The following NINJ2 variants were observed in gnomAD, a reference collection of about 807,000 sequenced individuals.
NINJ2 encodes ninjurin-2.
A neutral mutation model predicts 11.7 loss-of-function variants in NINJ2; 12 were observed. The ratio of observed to expected loss-of-function variants is 1.02; its 90% confidence interval spans 0.66 to 1.66. NINJ2 has a LOEUF of 1.66. Ranked by LOEUF, NINJ2 falls within the 40% of genes most tolerant of loss-of-function variation. NINJ2 has a pLI of 0.00. For synonymous variants in NINJ2, 93 were observed against 76.8 expected, an observed-to-expected ratio of 1.21 and a Z score of -1.10; for missense variants, 187 against 181.8, an observed-to-expected ratio of 1.03 and a Z score of -0.16.
chr12:617,406 T>A (rs917487071), intron 1 of NINJ2, among the ~76,000 whole-genome samples: 1 of 152,150 alleles, frequency 6.6e-6, no homozygotes, highest in Admixed American at 6.5e-5. Flanking sequence ...TTCCTTCTAA[T>A]CCTGCCCCTG....
intron 1 of NINJ2, among the ~76,000 whole-genome samples, chr12:583,148 T>G (rs931471242): frequency 5.3e-5 from 4 of 76,076 alleles, no homozygotes; most frequent in African/African-American, 1.7e-4. Flanking sequence ...CTAGTGTGAA[T>G]GAATGAATGG....
At chr12:637,796 T>C (rs1948370623) in intron 1 of NINJ2, among the ~76,000 whole-genome samples, 1 of 152,176 alleles carries the variant, frequency 6.6e-6, no homozygotes, top group African/African-American at 2.4e-5. Context: ...TTTAGGTTAG[T>C]GATTAGTGCT....
chr12:646,031 G>C (rs1565647849), intron 1 of NINJ2, among the ~76,000 whole-genome samples: 1 of 152,032 alleles, frequency 6.6e-6, no homozygotes, highest in Non-Finnish European at 1.5e-5. Flanking sequence ...AAAATAACAG[G>C]GTTTCTCTCT....
intron 3 of NINJ2, 101 bp downstream of exon 3, chr12:565,116 T>C: frequency 1.0e-6 from 1 of 979,432 alleles, no homozygotes; most frequent in Non-Finnish European, 1.5e-6. Context: ...GCCTTCCCCC[T>C]TTGTTTGGCA....
intron 1 of NINJ2, among the ~76,000 whole-genome samples, chr12:570,989 T>C (rs1947367754): frequency 6.6e-6 from 1 of 152,054 alleles, no homozygotes; most frequent in South Asian, 2.1e-4. Flanking sequence ...TCCAAGCGGT[T>C]CCCATTTTCC....
chr12:600,657 T>G (rs1474030494), intron 1 of NINJ2, among the ~76,000 whole-genome samples: 2 of 33,874 alleles, frequency 5.9e-5, no homozygotes, highest in African/African-American at 9.2e-5. Context: ...TTTTGGGGTG[T>G]GTGTGTGTGT....
At chr12:630,690 A>G (rs143264241) in intron 1 of NINJ2, among the ~76,000 whole-genome samples, 1 of 152,184 alleles carries the variant, frequency 6.6e-6, no homozygotes, top group Admixed American at 6.5e-5. Context: ...GCTTCTAAAT[A>G]CAGCCTGTAT....
chr12:589,942 A>T (rs1015177980), intron 1 of NINJ2, among the ~76,000 whole-genome samples: 3 of 152,102 alleles, frequency 2.0e-5, no homozygotes, highest in African/African-American at 7.2e-5. Context: ...GTCAGGACCC[A>T]AGGGGTCCTA....
At chr12:630,017 G>A (rs893877089) in intron 1 of NINJ2, among the ~76,000 whole-genome samples, 3 of 149,078 alleles carry the variant, frequency 2.0e-5, no homozygotes. Context: ...ATGTGGCCCA[G>A]GGAAACAAAA....
rs1473418206 is a variant in NINJ2 at position 581,560 on chromosome 12, A to T, written c.34-15382T>A. 6.6e-6 allele frequency among the ~76,000 whole-genome samples: 1 copy of T among 152,046 alleles called. No individual in the cohort carries two copies. The highest frequency in any genetic ancestry group is 1.5e-5 in the Non-Finnish European group (1 of 68,006). On this transcript the variant is annotated intron_variant, in intron 1 of 3. Transcript: ENST00000305108. This position sits in a 1 kb window ranked among gnomAD's most constrained non-coding sequence, Gnocchi z 4.9. Reference sequence around the variant, plus strand: ...CGGGGCTCTCCTGTCCTTCCTCAGGATTCGAAATGGGGCCAGTCACACATT... The same window carrying T: ...CGGGGCTCTCCTGTCCTTCCTCAGGTTTCGAAATGGGGCCAGTCACACATT...
chr12:641,703 G>C (rs547928603), intron 1 of NINJ2, among the ~76,000 whole-genome samples: 1 of 152,266 alleles, frequency 6.6e-6, no homozygotes, highest in African/African-American at 2.4e-5. Context: ...AAATGAGCCG[G>C]GCGTGGTGGC....
At chr12:621,978 C>T (rs1387054804) in intron 1 of NINJ2, among the ~76,000 whole-genome samples, 1 of 151,660 alleles carries the variant, frequency 6.6e-6, no homozygotes, top group Non-Finnish European at 1.5e-5. Context: ...CTAAAATTAG[C>T]CAGGCATGGT....
At chr12:582,102 T>C (rs1947563424) in intron 1 of NINJ2, among the ~76,000 whole-genome samples, 1 of 152,172 alleles carries the variant, frequency 6.6e-6, no homozygotes. Context: ...GGCTAGGAGA[T>C]CAGAGGCAAG....
chr12:592,137 G>C lies in NINJ2; in HGVS notation c.34-25959C>G, dbSNP rs553165405. 3.9e-5 allele frequency among the ~76,000 whole-genome samples: 6 copies of C among 152,254 alleles called. No homozygotes were observed. In the South Asian group the frequency reaches 1.3e-3, roughly 32 times the overall value. On this transcript the variant is annotated intron_variant, in intron 1 of 3. Transcript: ENST00000305108. ...AGTCTGGCTTTACTGCCTGCTGCTA[G>C]GTGACCTTGAACAAGCTAAGTTGTC... is the stretch of plus-strand genomic sequence containing the variant.
intron 1 of NINJ2, among the ~76,000 whole-genome samples, chr12:656,514 G>A (rs1413658242): frequency 3.3e-5 from 5 of 151,832 alleles, no homozygotes; most frequent in African/African-American, 1.2e-4. Flanking sequence ...ACTTTGGGAG[G>A]TAGGGTCTGG....
intron 1 of NINJ2, among the ~76,000 whole-genome samples, chr12:658,018 A>ATTTT (rs1937896325): frequency 1.9e-5 from 1 of 52,494 alleles, no homozygotes; most frequent in Non-Finnish European, 3.5e-5. Flanking sequence ...TTTTTTTTTG[A>ATTTT]GGCAGAGTCT....
rs1403871623 is a variant in NINJ2 at position 633,005 on chromosome 12, T to A, written c.33+30323A>T. Reference sequence around the variant, plus strand: ...GGGCAAGATCTCACAAGATCTTAGATCCAGTGTATTTTCTGTCAGTAGATT... The same window carrying A: ...GGGCAAGATCTCACAAGATCTTAGAACCAGTGTATTTTCTGTCAGTAGATT... On this transcript the variant is annotated intron_variant, in intron 1 of 3. Coordinates refer to ENST00000305108, the MANE Select transcript of NINJ2 (RefSeq NM_016533.6). This position sits in a 1 kb window ranked among gnomAD's most constrained non-coding sequence, Gnocchi z 4.3. Among the ~76,000 whole-genome samples the A allele has an allele frequency of 6.6e-6, 1 of 152,182 alleles. No homozygotes were observed. The highest frequency in any genetic ancestry group is 1.5e-5 in the Non-Finnish European group (1 of 68,012).
Position 581,159 on chromosome 12 carries a change from C to CTGTGTG in NINJ2, c.34-14987_34-14982dup, listed in dbSNP as rs200335608. On this transcript the variant is annotated intron_variant, in intron 1 of 3. Coordinates refer to ENST00000305108, the MANE Select transcript of NINJ2 (RefSeq NM_016533.6). This position sits in a 1 kb window ranked among gnomAD's most constrained non-coding sequence, Gnocchi z 4.9. ...CCTCTGTGTGTGTGTGCATGTGTCT[C>CTGTGTG]TGTGTGTGTGTGTGTGTCTGTGTGT... 1.4e-5 allele frequency among the ~76,000 whole-genome samples: 2 copies of CTGTGTG among 142,704 alleles called. No homozygotes were observed. Among genetic ancestry groups the CTGTGTG allele is most frequent in the African/African-American group, 5.2e-5 (2 of 38,500 alleles). 93.6% of individuals were successfully genotyped at this position (142,704 alleles called of 152,430 possible). A position where few individuals can be genotyped will look rare whatever the true frequency, so the allele number is the denominator to read the frequency against.
intron 1 of NINJ2, among the ~76,000 whole-genome samples, chr12:598,829 AC>A (rs1947823953): frequency 6.6e-6 from 1 of 151,920 alleles, no homozygotes; most frequent in East Asian, 2.0e-4. Context: ...CTTCCCAAGT[AC>A]CTGGGACCAC....
Sources: gnomAD v4.1 joint callset for allele counts (sites outside exome capture counted in the v4.1 genomes callset) on GRCh38, gnomAD v4.1.1 for gene constraint, Gnocchi (gnomAD v3.1) non-coding constraint, MANE v1.5 for transcripts, NCBI Gene and HGNC (gene_info 2026-07-23, HGNC 2026-07-21) for gene names.